The following AGPS variants were observed in gnomAD, a reference collection of about 807,000 sequenced individuals.
AGPS encodes alkyldihydroxyacetonephosphate synthase, peroxisomal.
In AGPS, 26 loss-of-function variants were observed where a neutral mutation model predicts 90.7. The observed-to-expected ratio is 0.29, with a 90% CI of 0.21 to 0.40. AGPS has a LOEUF of 0.40. Among genes scored for constraint, AGPS ranks in the 10% least tolerant of loss-of-function variants. AGPS has a pLI of 1.00. For synonymous variants in AGPS, 294 were observed against 285.3 expected (o/e 1.03, Z -0.31); for missense variants, 540 against 816.1 (o/e 0.66, Z 4.12).
At chr2:177,396,337 A>G (rs1340820415) in intron 1 of AGPS, among the ~76,000 whole-genome samples, 1 of 152,222 alleles carries the variant, frequency 6.6e-6, no homozygotes, top group Non-Finnish European at 1.5e-5. Flanking sequence ...GCATTCATTC[A>G]TGCTTATAAA....
chr2:177,435,124 A>G (rs1014168876), intron 3 of AGPS, among the ~76,000 whole-genome samples: 3 of 148,074 alleles, frequency 2.0e-5, no homozygotes. Flanking sequence ...TGTTTTTATT[A>G]TTATTTTGCT....
intron 16 of AGPS, 102 bp downstream of exon 16, chr2:177,508,133 G>A: frequency 1.1e-6 from 1 of 887,230 alleles, no homozygotes; most frequent in Non-Finnish European, 1.8e-6. Flanking sequence ...AACATTTTAT[G>A]AAGAAACATT....
In AGPS at chr2:177,496,722, C is replaced by G. The variant is rs377076499; in HGVS notation, c.1286-967C>G. Among the ~76,000 whole-genome samples, 58 of 151,956 alleles carry G rather than the reference C, an allele frequency of 3.8e-4. 1 individual carries two copies. The South Asian group carries it at 0.011, about 30-fold the overall frequency. ...AGCAAAAATGTAGTAAGTAGTATTA[C>G]AGATTGAGATTCTTATAAAAAATGG... On this transcript the variant is annotated intron_variant, in intron 12 of 19. Coordinates refer to ENST00000264167, the MANE Select transcript of AGPS (RefSeq NM_003659.4).
intron 1 of AGPS, among the ~76,000 whole-genome samples, chr2:177,405,845 A>T (rs902461559): frequency 2.6e-4 from 9 of 34,908 alleles, no homozygotes; most frequent in Non-Finnish European, 6.4e-5. Context: ...TGTTGGGGGA[A>T]CTTTAAGTTA....
intron 17 of AGPS, among the ~76,000 whole-genome samples, chr2:177,519,700 A>G (rs145415917): frequency 5.5e-4 from 84 of 152,278 alleles, no homozygotes; most frequent in African/African-American, 1.9e-3. Flanking sequence ...GAGAATCCAA[A>G]CAAATGATGA....
chr2:177,463,391 A>G (rs1042855709), intron 9 of AGPS, among the ~76,000 whole-genome samples: 6 of 152,222 alleles, frequency 3.9e-5, no homozygotes, highest in Non-Finnish European at 5.9e-5. Flanking sequence ...TGCTTCATAA[A>G]TGTTGTTTCC....
At chr2:177,442,546 C>T (rs1686639563) in intron 7 of AGPS, 60 bp downstream of exon 7, 1 of 1,372,542 alleles carries the variant, frequency 7.3e-7, no homozygotes, top group Non-Finnish European at 1.0e-6. Context: ...CCTTAATTGT[C>T]ATTAAAAAAG....
intron 14 of AGPS, among the ~76,000 whole-genome samples, chr2:177,499,938 G>A (rs1688512239): frequency 2.0e-5 from 3 of 151,692 alleles, no homozygotes; most frequent in Admixed American, 1.3e-4. Flanking sequence ...AGAATTTTTA[G>A]GAAGTTAGAT....
chr2:177,509,871 G>A (rs374760771), intron 16 of AGPS, among the ~76,000 whole-genome samples: 3 of 152,146 alleles, frequency 2.0e-5, no homozygotes, highest in South Asian at 2.1e-4. Flanking sequence ...ACATTTTAAC[G>A]GAGCTTGTTT....
chr2:177,526,148 T>A (rs1190407240), intron 19 of AGPS, among the ~76,000 whole-genome samples: 2 of 151,800 alleles, frequency 1.3e-5, no homozygotes, highest in Non-Finnish European at 2.9e-5. Context: ...AATTAACAAA[T>A]AGTTAGAAAA....
chr2:177,429,701 G>T (rs1466720190), intron 2 of AGPS, among the ~76,000 whole-genome samples: 1 of 152,174 alleles, frequency 6.6e-6, no homozygotes, highest in South Asian at 2.1e-4. Flanking sequence ...TGGGAGCTCC[G>T]TCCCAGGGTG....
Position 177,447,268 on chromosome 2 carries a change from CTATT to C in AGPS, c.870+1648_870+1651del, listed in dbSNP as rs558086349. 3.5e-3 allele frequency among the ~76,000 whole-genome samples: 525 copies of C among 152,036 alleles called. 4 individuals carry two copies. Among genetic ancestry groups the C allele is most frequent in the African/African-American group, 0.012 (501 of 41,510 alleles). On this transcript the variant is annotated intron_variant, in intron 8 of 19. Coordinates refer to ENST00000264167, the MANE Select transcript of AGPS (RefSeq NM_003659.4). Reference sequence around the variant, plus strand: ...TAGGCTTTGAAAAAAAATGATTAAACTATTTATTTTTTATTTAATGCAGTCAGAT... The same window carrying C: ...TAGGCTTTGAAAAAAAATGATTAAACTATTTTTTATTTAATGCAGTCAGAT...
intron 14 of AGPS, among the ~76,000 whole-genome samples, chr2:177,504,071 C>G (rs912793298): frequency 6.6e-6 from 1 of 152,190 alleles, no homozygotes; most frequent in Non-Finnish European, 1.5e-5. Context: ...TTGGCATTCT[C>G]TTTTCTCAAA....
chr2:177,493,124 C>CT (rs763200822), intron 11 of AGPS, 24 bp from the exon 12 acceptor site: 5,545 of 1,414,840 alleles, frequency 3.9e-3, no homozygotes, highest in Non-Finnish European at 4.5e-3. Flanking sequence ...ATTTGTATCA[C>CT]TTTTTTTTTT....
At chr2:177,525,768 G>A (rs970768508) in intron 19 of AGPS, among the ~76,000 whole-genome samples, 1 of 152,148 alleles carries the variant, frequency 6.6e-6, no homozygotes, top group Admixed American at 6.5e-5. Flanking sequence ...CATTACAGAG[G>A]AAAACCAAAC....
intron 10 of AGPS, among the ~76,000 whole-genome samples, chr2:177,481,179 C>T (rs1303529878): frequency 2.0e-5 from 3 of 151,920 alleles, no homozygotes; most frequent in African/African-American, 7.2e-5. Flanking sequence ...GATTTCTCCC[C>T]GTCTTTACTC....
At chr2:177,413,924 A>T (rs1395185354) in intron 1 of AGPS, among the ~76,000 whole-genome samples, 1 of 152,126 alleles carries the variant, frequency 6.6e-6, no homozygotes, top group Non-Finnish European at 1.5e-5. Context: ...TAATTGGTAG[A>T]TTATGGTGTA....
rs568264337 is a variant in AGPS, at chr2:177,512,245, A to T, written c.1608-1574A>T. 2.7e-3 allele frequency among the ~76,000 whole-genome samples: 405 copies of T among 152,194 alleles called. 2 individuals are homozygous for T. The highest frequency in any genetic ancestry group is 3.4e-3 in the Middle Eastern group (1 of 294). ...AAGACATATTAAATATCAGTCATCT[A>T]AATGTTTTATGAGATTTTTTTTAAA... On this transcript the variant is annotated intron_variant, in intron 16 of 19. Coordinates refer to ENST00000264167, the MANE Select transcript of AGPS (RefSeq NM_003659.4).
chr2:177,497,664 A>T, intron 12 of AGPS, 25 bp from the exon 13 acceptor site: 1 of 1,380,978 alleles, frequency 7.2e-7, no homozygotes, highest in Non-Finnish European at 1.0e-6. Context: ...CTAACCTATT[A>T]ATATAAACTT....
Sources: allele counts gnomAD v4.1 joint callset (sites outside exome capture counted in the v4.1 genomes callset), GRCh38; gene constraint gnomAD v4.1.1; transcripts MANE v1.5; gene names NCBI Gene and HGNC (gene_info 2026-07-23, HGNC 2026-07-21).